The following MMP26 variants were observed in gnomAD, a reference collection of about 807,000 sequenced individuals.
MMP26 encodes matrix metalloproteinase-26.
A neutral mutation model predicts 31.0 loss-of-function variants in MMP26; 33 were observed. That is an observed-to-expected ratio of 1.06 (90% CI 0.81 to 1.42). The LOEUF (loss-of-function observed/expected upper bound fraction) is 1.42, where lower values mean the gene tolerates loss of function less well. MMP26 is among the 40% of genes most tolerant of loss of function. MMP26 has a pLI of 0.00. For synonymous variants in MMP26, 122 were observed against 114.9 expected (o/e 1.06, Z -0.40); for missense variants, 347 against 316.1 (o/e 1.10, Z -0.74).
chr11:4,813,949 C>T (rs1233070240), intron 2 of MMP26, among the ~76,000 whole-genome samples: 1 of 152,070 alleles, frequency 6.6e-6, no homozygotes, highest in African/African-American at 2.4e-5. Context: ...AAAACCAACT[C>T]ATGAAAAATA....
At chr11:4,818,919 G>A (rs1022286801) in intron 2 of MMP26, among the ~76,000 whole-genome samples, 1 of 152,094 alleles carries the variant, frequency 6.6e-6, no homozygotes, top group East Asian at 1.9e-4. Context: ...TTGGAAAAGA[G>A]TATTTTGTAC....
At chr11:4,873,179 G>A (rs983556724) in intron 2 of MMP26, among the ~76,000 whole-genome samples, 3 of 152,038 alleles carry the variant, frequency 2.0e-5, no homozygotes, top group Non-Finnish European at 2.9e-5. Context: ...CAGGGGCCTC[G>A]TTTACTATCC....
At chr11:4,765,920 A>G (rs1367745874) in intron 1 of MMP26, among the ~76,000 whole-genome samples, 1 of 152,170 alleles carries the variant, frequency 6.6e-6, no homozygotes, top group Admixed American at 6.5e-5. Context: ...TCATTTTTCC[A>G]ATATGCTGAA....
At chr11:4,884,576 A>C (rs1259959890) in intron 2 of MMP26, among the ~76,000 whole-genome samples, 1 of 152,120 alleles carries the variant, frequency 6.6e-6, no homozygotes, top group Non-Finnish European at 1.5e-5. Flanking sequence ...CCTGAAATTA[A>C]CTTGTGGCAG....
intron 2 of MMP26, among the ~76,000 whole-genome samples, chr11:4,865,497 G>T (rs951863406): frequency 3.3e-5 from 5 of 151,972 alleles, no homozygotes; most frequent in East Asian, 3.9e-4. Context: ...ACTAAAGCAG[G>T]CAACATGTTG....
intron 2 of MMP26, among the ~76,000 whole-genome samples, chr11:4,771,521 G>A (rs552929554): frequency 2.0e-5 from 3 of 152,046 alleles, no homozygotes; most frequent in South Asian, 2.1e-4. Flanking sequence ...ATGCTATATC[G>A]CCTCTTTCAA....
At chr11:4,946,285 G>A (rs1285726571) in intron 2 of MMP26, 2 of 1,613,860 alleles carry the variant, frequency 1.2e-6, no homozygotes, top group Non-Finnish European at 1.7e-6. Flanking sequence ...GAACATTAAT[G>A]AGGGGAGAGA....
intron 2 of MMP26, chr11:4,914,614 G>C: frequency 1.3e-6 from 1 of 778,270 alleles, no homozygotes; most frequent in South Asian, 1.8e-5. Flanking sequence ...GTACATGTTT[G>C]TTGAGTAAGT....
At chr11:4,772,133 C>A (rs189141251) in intron 2 of MMP26, among the ~76,000 whole-genome samples, 4 of 152,284 alleles carry the variant, frequency 2.6e-5, no homozygotes, top group African/African-American at 9.6e-5. Context: ...AAAGAAACCA[C>A]CCTCTCTCCC....
At chr11:4,748,450 C>T (rs1318593711) in intron 1 of MMP26, among the ~76,000 whole-genome samples, 1 of 151,924 alleles carries the variant, frequency 6.6e-6, no homozygotes, top group African/African-American at 2.4e-5. Context: ...TTTATGCAGA[C>T]TGTATCACCA....
At chr11:4,784,726 G>A (rs1202570558) in intron 2 of MMP26, among the ~76,000 whole-genome samples, 1 of 152,132 alleles carries the variant, frequency 6.6e-6, no homozygotes, top group East Asian at 1.9e-4. Context: ...CATTTGATTT[G>A]TTTTAAGCCA....
chr11:4,967,094 T>G (rs1185915410), intron 2 of MMP26, among the ~76,000 whole-genome samples: 1 of 152,190 alleles, frequency 6.6e-6, no homozygotes, highest in Non-Finnish European at 1.5e-5. Context: ...AGCTTCAGCT[T>G]AAAAGGTTTG....
intron 2 of MMP26, among the ~76,000 whole-genome samples, chr11:4,956,775 C>T (rs1846449997): frequency 6.6e-6 from 1 of 152,194 alleles, no homozygotes; most frequent in East Asian, 1.9e-4. Flanking sequence ...CTTACCAAAT[C>T]TTCCTAGTTT....
chr11:4,904,963 G>T (rs10742412), intron 2 of MMP26, among the ~76,000 whole-genome samples: 31,085 of 151,980 alleles, frequency 0.2, 3,595 homozygotes, highest in East Asian at 0.56. Flanking sequence ...GTAGGGTAGG[G>T]TTACATGAAA....
chr11:4,738,163 G>A (rs148368497), intron 1 of MMP26, among the ~76,000 whole-genome samples: 1 of 152,108 alleles, frequency 6.6e-6, no homozygotes, highest in Non-Finnish European at 1.5e-5. Context: ...TTTGGTATCT[G>A]TCCAAGGAGC....
At chr11:4,927,878 A>T (rs1851294585) in intron 2 of MMP26, among the ~76,000 whole-genome samples, 2 of 152,148 alleles carry the variant, frequency 1.3e-5, no homozygotes, top group South Asian at 4.1e-4. Flanking sequence ...AGATTAAAAA[A>T]TCAGGTGTTA....
chr11:4,901,477 CAG>C (rs1850801928), intron 2 of MMP26, among the ~76,000 whole-genome samples: 1 of 151,946 alleles, frequency 6.6e-6, no homozygotes, highest in African/African-American at 2.4e-5. Flanking sequence ...TGTGCTCTTT[CAG>C]TTGTGCTTGA....
At chr11:4,881,168 CAGAG>C (rs1850456103) in intron 2 of MMP26, among the ~76,000 whole-genome samples, 4 of 152,164 alleles carry the variant, frequency 2.6e-5, no homozygotes, top group Non-Finnish European at 5.9e-5. Context: ...TATGACCTCA[CAGAG>C]AGAAAGCCCT....
At chr11:4,866,932 C>A (rs1300493755) in intron 2 of MMP26, among the ~76,000 whole-genome samples, 1 of 152,070 alleles carries the variant, frequency 6.6e-6, no homozygotes, top group African/African-American at 2.4e-5. Flanking sequence ...CAAAAATCAA[C>A]TCAAGATGGA....
Sources: allele counts gnomAD v4.1 joint callset (sites outside exome capture counted in the v4.1 genomes callset), GRCh38; gene constraint gnomAD v4.1.1; transcripts MANE v1.5; gene names NCBI Gene and HGNC (gene_info 2026-07-23, HGNC 2026-07-21).